The following ANKRD29 variants were observed in gnomAD, a reference collection of about 807,000 sequenced individuals.
ANKRD29 encodes ankyrin repeat domain 29, also known as ankyrin repeat domain-containing protein 29.
A neutral mutation model predicts 38.0 loss-of-function variants in ANKRD29; 32 were observed. That is an observed-to-expected ratio of 0.84 (90% confidence interval 0.64 to 1.13). The LOEUF (loss-of-function observed/expected upper bound fraction) is 1.13, where lower values mean the gene tolerates loss of function less well. Ranked by LOEUF, ANKRD29 falls within the 50% of genes most tolerant of loss-of-function variation. The pLI, the probability that ANKRD29 is intolerant of heterozygous loss-of-function variation, is 0.00. For synonymous variants in ANKRD29, 135 were observed against 152.4 expected, an observed-to-expected ratio of 0.89 and a Z score of 0.84; for missense variants, 357 against 377.9, an observed-to-expected ratio of 0.94 and a Z score of 0.46.
At position 23,620,748 on chromosome 18, in the gene ANKRD29, T is replaced by C. The variant is rs145442321; in HGVS notation, c.529-1119A>G. ...CTGCTCTCTGCTGGTGCCCGGGAGA[T>C]AGGAGAGAAATGGCCGTGGGAGTTT... On this transcript the variant is annotated intron_variant, in intron 6 of 9. Transcript: ENST00000592179. Among the ~76,000 whole-genome samples, 56 of 152,150 alleles carry C rather than the reference T, an allele frequency of 3.7e-4. 1 individual carries two copies. Among genetic ancestry groups the C allele is most frequent in the African/African-American group, 1.3e-3 (56 of 41,484 alleles).
At chr18:23,617,681 AC>A in intron 8 of ANKRD29, 50 bp downstream of exon 8, 1 of 1,514,042 alleles carries the variant, frequency 6.6e-7, no homozygotes, top group Non-Finnish European at 9.2e-7. Flanking sequence ...GTGAGGACTT[AC>A]TTTCTAACCT....
chr18:23,615,758 T>G (rs2059702173), intron 8 of ANKRD29, among the ~76,000 whole-genome samples: 1 of 151,772 alleles, frequency 6.6e-6, no homozygotes, highest in Admixed American at 6.6e-5. Context: ...CACAGCAGAG[T>G]TGGGGCAGTT....
At chr18:23,640,436 G>A (rs1652346) in intron 3 of ANKRD29, among the ~76,000 whole-genome samples, 5 of 152,160 alleles carry the variant, frequency 3.3e-5, no homozygotes, top group South Asian at 2.1e-4. Flanking sequence ...ATACAGGGAA[G>A]AATTCAAATT....
In ANKRD29 at chr18:23,613,098, G is replaced by A. The variant is rs549680855; in HGVS notation, c.724-908C>T. 3.3e-5 allele frequency among the ~76,000 whole-genome samples: 5 copies of A among 149,756 alleles called. No homozygotes were observed. The East Asian group carries it at 5.9e-4, about 18-fold the overall frequency. On this transcript the variant is annotated intron_variant, in intron 8 of 9. Transcript: ENST00000592179. ...GTATGTATGATAATTCACTACTCTT[G>A]TAACAATTTACTTGTCTAAATCTTA...
intron 9 of ANKRD29, among the ~76,000 whole-genome samples, chr18:23,607,541 G>A (rs910702541): frequency 2.0e-5 from 3 of 152,128 alleles, no homozygotes; most frequent in African/African-American, 7.2e-5. Flanking sequence ...CCATCTCCAT[G>A]AATGTCCATA....
Position 23,599,435 on chromosome 18 carries a change from C to T in ANKRD29, c.*1791G>A, listed in dbSNP as rs1009416921. ...GGAACTTTGTTATCAGTACCCATAACGTTTTGCTTTGTATCAGTGATTAGC... is the reference window on the plus strand; with the variant it reads ...GGAACTTTGTTATCAGTACCCATAATGTTTTGCTTTGTATCAGTGATTAGC... On this transcript the variant is annotated 3_prime_UTR_variant, in exon 10 of 10. Coordinates refer to ENST00000592179, the MANE Select transcript of ANKRD29 (RefSeq NM_173505.4). The T allele has an allele frequency of 1.4e-4, 22 of 152,182 alleles. No homozygotes were observed. Among genetic ancestry groups the T allele is most frequent in the African/African-American group, 4.3e-4 (18 of 41,454 alleles). 9.4% of individuals were successfully genotyped at this position (152,182 alleles called of 1,614,324 possible).
intron 9 of ANKRD29, among the ~76,000 whole-genome samples, chr18:23,611,091 A>G (rs908667026): frequency 3.3e-5 from 5 of 152,284 alleles, no homozygotes; most frequent in Admixed American, 2.6e-4. Context: ...TCATTTAAAA[A>G]AATTCTTATT....
chr18:23,619,468 C>A (rs1420586383), intron 7 of ANKRD29, 63 bp downstream of exon 7: 16 of 1,454,428 alleles, frequency 1.1e-5, no homozygotes, highest in Non-Finnish European at 1.5e-5. Context: ...AGTCAAGACC[C>A]GTTTTCTCCA....
chr18:23,626,434 T>C (rs2059863151), intron 6 of ANKRD29, among the ~76,000 whole-genome samples: 3 of 152,138 alleles, frequency 2.0e-5, no homozygotes, highest in Admixed American at 2.0e-4. Flanking sequence ...GTCGAGGCAT[T>C]TGGTTAATAG....
chr18:23,616,604 C>CTGTA (rs2059725338), intron 8 of ANKRD29, among the ~76,000 whole-genome samples: 1 of 131,288 alleles, frequency 7.6e-6, no homozygotes, highest in African/African-American at 3.0e-5. Flanking sequence ...ACTATATATA[C>CTGTA]TATATATATA....
rs1711448 is a variant in ANKRD29, at chr18:23,632,412, A to G, written c.429+1639T>C. Among the ~76,000 whole-genome samples the G allele has an allele frequency of 3.6e-3, 546 of 151,922 alleles. 4 individuals are homozygous for G. Among genetic ancestry groups the G allele is most frequent in the African/African-American group, 0.012 (515 of 41,362 alleles). ...AGGTAAAGGTCTTAATATAAAATGG[A>G]AGTTATAATGCATGAAATTTCTTGA... is the stretch of plus-strand genomic sequence containing the variant. On this transcript the variant is annotated intron_variant, in intron 5 of 9. Transcript: ENST00000592179.
intron 3 of ANKRD29, among the ~76,000 whole-genome samples, chr18:23,645,310 C>A (rs2060124577): frequency 1.3e-5 from 2 of 152,128 alleles, no homozygotes; most frequent in African/African-American, 4.8e-5. Flanking sequence ...TAAAATGTCC[C>A]AGCCTAGGCA....
chr18:23,623,793 C>T (rs1234874134), intron 6 of ANKRD29, among the ~76,000 whole-genome samples: 1 of 151,910 alleles, frequency 6.6e-6, no homozygotes, highest in Non-Finnish European at 1.5e-5. Context: ...CAGGTGCCCA[C>T]CACCACGCCC....
At chr18:23,653,763 G>A (rs936932305) in intron 1 of ANKRD29, among the ~76,000 whole-genome samples, 9 of 151,444 alleles carry the variant, frequency 5.9e-5, no homozygotes, top group East Asian at 5.9e-4. Context: ...TAGAGCTAGC[G>A]TTTTGCCACA....
Position 23,600,037 on chromosome 18 carries a change from G to A in ANKRD29, c.*1189C>T, listed in dbSNP as rs991377930. The A allele has an allele frequency of 5.3e-5, 8 of 152,200 alleles. No homozygotes were observed. The highest frequency in any genetic ancestry group is 1.9e-4 in the East Asian group (1 of 5,204). 9.4% of individuals were successfully genotyped at this position (152,200 alleles called of 1,614,324 possible). ...GTTTAAATAGCAGAAATACCATTGC[G>A]TTTATTTTGGTAGATTACAGAAAGA... On this transcript the variant is annotated 3_prime_UTR_variant, in exon 10 of 10. Transcript: ENST00000592179.
At position 23,611,294 on chromosome 18, in the gene ANKRD29, A is replaced by AT. The variant is rs1238384213; in HGVS notation, c.822+797dup. Among the ~76,000 whole-genome samples, 4 of 152,170 alleles carry AT rather than the reference A, an allele frequency of 2.6e-5. 1 individual carries two copies. The highest frequency in any genetic ancestry group is 9.7e-5 in the African/African-American group (4 of 41,450). ...GGTGATAAACTACCAGAATTTTGGC[A>AT]TTTTTAGGGTACATCTTAGATGACA... On this transcript the variant is annotated intron_variant, in intron 9 of 9. Coordinates refer to ENST00000592179, the MANE Select transcript of ANKRD29 (RefSeq NM_173505.4).
chr18:23,618,249 A>G (rs2059748746), intron 7 of ANKRD29, among the ~76,000 whole-genome samples: 1 of 152,236 alleles, frequency 6.6e-6, no homozygotes, highest in Admixed American at 6.5e-5. Context: ...AAAAAAATTT[A>G]TACAGCCTTG....
chr18:23,656,233 G>A (rs1044166300), intron 1 of ANKRD29, among the ~76,000 whole-genome samples: 7 of 152,024 alleles, frequency 4.6e-5, no homozygotes, highest in Admixed American at 3.9e-4. Context: ...ACAGCTTGAC[G>A]GAAAAACCAT....
chr18:23,611,758 A>C (rs991996200), intron 9 of ANKRD29, among the ~76,000 whole-genome samples: 1 of 152,120 alleles, frequency 6.6e-6, no homozygotes, highest in African/African-American at 2.4e-5. Context: ...CCTGGTGCTA[A>C]ACCATTTGTA....
Sources: allele counts gnomAD v4.1 joint callset (sites outside exome capture counted in the v4.1 genomes callset), GRCh38; gene constraint gnomAD v4.1.1; transcripts MANE v1.5; gene names NCBI Gene and HGNC (gene_info 2026-07-23, HGNC 2026-07-21).